The following ZNF567 variants were observed in gnomAD, a reference collection of about 807,000 sequenced individuals.
ZNF567 encodes zinc finger protein 567.
ZNF567 carries 36 observed loss-of-function variants against 53.9 expected under a neutral mutation model. That is an observed-to-expected ratio of 0.67 (90% confidence interval 0.51 to 0.88). ZNF567 has a LOEUF of 0.88. ZNF567 is among the 40% of genes least tolerant of loss of function. The pLI, the probability that ZNF567 is intolerant of heterozygous loss-of-function variation, is 0.00. For missense variants in ZNF567, 619 were observed against 764.7 expected, an observed-to-expected ratio of 0.81 and a Z score of 2.25; for synonymous variants, 224 against 260.4, an observed-to-expected ratio of 0.86 and a Z score of 1.35.
upstream of ZNF567, among the ~76,000 whole-genome samples, chr19:36,683,930 C>T (rs934539744): frequency 6.6e-6 from 1 of 152,138 alleles, no homozygotes; most frequent in Non-Finnish European, 1.5e-5. Context: ...TTGGTGCAAA[C>T]TTAATCAGGG....
At chr19:36,701,924 T>G (rs1307460500) in intron 3 of ZNF567, among the ~76,000 whole-genome samples, 3 of 151,632 alleles carry the variant, frequency 2.0e-5, no homozygotes, top group Non-Finnish European at 4.4e-5. Flanking sequence ...CCTATTTACA[T>G]TTAAGGTTAA....
intron 3 of ZNF567, among the ~76,000 whole-genome samples, chr19:36,700,901 G>GT (rs1408679362): frequency 2.6e-4 from 39 of 151,768 alleles, no homozygotes; most frequent in South Asian, 2.1e-4. Flanking sequence ...TTTTTGAAGG[G>GT]TTTTTTTTGT....
At chr19:36,723,557 T>C (rs368834273), downstream of ZNF567, among the ~76,000 whole-genome samples, 1 of 152,152 alleles carries the variant, frequency 6.6e-6, no homozygotes, top group Non-Finnish European at 1.5e-5. Flanking sequence ...CTTTTGAGGC[T>C]GGGCGTGGTG....
At chr19:36,718,428 G>A (rs1208106667) in intron 5 of ZNF567, among the ~76,000 whole-genome samples, 1 of 152,120 alleles carries the variant, frequency 6.6e-6, no homozygotes, top group East Asian at 1.9e-4. Context: ...GAACCCAGGA[G>A]GCAGAGGTTG....
chr19:36,724,579 G>T (rs2040327703), downstream of ZNF567, among the ~76,000 whole-genome samples: 1 of 151,650 alleles, frequency 6.6e-6, no homozygotes, highest in Non-Finnish European at 1.5e-5. Flanking sequence ...CTACTCTGGA[G>T]GCTGAAGCAG....
At chr19:36,705,273 A>T (rs2039432281) in intron 3 of ZNF567, among the ~76,000 whole-genome samples, 1 of 152,090 alleles carries the variant, frequency 6.6e-6, no homozygotes, top group African/African-American at 2.4e-5. Flanking sequence ...TCTTACATAG[A>T]TGGAAGTGTA....
chr19:36,712,864 T>G lies in ZNF567; in HGVS notation c.220T>G (p.Leu74Val), dbSNP rs1436740593. The G allele has an allele frequency of 6.2e-7, 1 of 1,612,532 alleles. No individual in the cohort carries two copies. The highest frequency in any genetic ancestry group is 8.5e-7 in the Non-Finnish European group (1 of 1,178,960). Reference sequence around the variant, plus strand: ...GACATCATTTGCAGGTCATACCTGCTTGGGTGAGTTTCTGGCTCTTAGGCA... The same window carrying G: ...GACATCATTTGCAGGTCATACCTGCGTGGGTGAGTTTCTGGCTCTTAGGCA... ...PWTSFAGHTC[L>V]EENWKAEDFL... The change falls in exon 5 of 6, where the codon TTG becomes GTG. Residue 74 changes from leucine (L) to valine (V), a missense_variant. Coordinates refer to ENST00000682579, the MANE Select transcript of ZNF567 (RefSeq NM_001322917.1).
At chr19:36,723,727 G>A (rs575181480), downstream of ZNF567, among the ~76,000 whole-genome samples, 70 of 152,072 alleles carry the variant, frequency 4.6e-4, no homozygotes, top group Admixed American at 3.8e-3. Flanking sequence ...CCAGCTACTC[G>A]GGGGCCTAAG....
chr19:36,685,839 G>C (rs1377020946), upstream of ZNF567: 1 of 152,260 alleles, frequency 6.6e-6, no homozygotes, highest in Non-Finnish European at 1.5e-5. Context: ...TGGCTTGCCT[G>C]AGTGGTTCTT....
chr19:36,714,905 T>G (rs2145863570), intron 5 of ZNF567, among the ~76,000 whole-genome samples: 1 of 152,302 alleles, frequency 6.6e-6, no homozygotes, highest in African/African-American at 2.4e-5. Flanking sequence ...TTGTTTCACT[T>G]AACACTCGGT....
chr19:36,669,835 TTC>T, the ZNF567 span, among the ~76,000 whole-genome samples: 2 of 152,204 alleles, frequency 1.3e-5, no homozygotes, highest in Non-Finnish European at 2.9e-5. Flanking sequence ...GACACTGACT[TTC>T]TGTCTTTATG....
chr19:36,686,548 G>C (rs1162666759), upstream of ZNF567: 1 of 152,110 alleles, frequency 6.6e-6, no homozygotes, highest in Non-Finnish European at 1.5e-5. Flanking sequence ...GTCTCCTGCG[G>C]AGACAGCTCT....
intron 3 of ZNF567, among the ~76,000 whole-genome samples, chr19:36,706,800 C>T (rs2039520072): frequency 6.6e-6 from 1 of 150,524 alleles, no homozygotes; most frequent in Non-Finnish European, 1.5e-5. Flanking sequence ...GGACTGCAGG[C>T]ATGTGCCACC....
rs1020516389 is a variant in ZNF567 at position 36,720,328 on chromosome 19, G to A, written c.1604G>A (p.Cys535Tyr). 1 of 1,614,046 alleles carries A rather than the reference G, an allele frequency of 6.2e-7. No individual in the cohort carries two copies. The highest frequency in any genetic ancestry group is 1.3e-5 in the African/African-American group (1 of 74,944). ...RIHTGEKPYV[C>Y]NECGKSFRQK... ...CATACAGGGGAGAAACCCTATGTTT[G>A]TAATGAATGTGGGAAGTCCTTTCGC... Residue 535 changes from cysteine to tyrosine, a missense_variant, in exon 6 of 6, where the codon TGT (cysteine) becomes TAT (tyrosine). By Grantham distance (194) the Cys-to-Tyr change is radical (BLOSUM62 -2). Transcript: ENST00000682579.
downstream of ZNF567, among the ~76,000 whole-genome samples, chr19:36,724,267 A>G (rs2040325665): frequency 6.6e-6 from 1 of 151,764 alleles, no homozygotes; most frequent in Admixed American, 6.6e-5. Context: ...CGGCCTCCCA[A>G]AGTGCTGGGA....
chr19:36,706,517 C>G (rs1020764008), intron 3 of ZNF567, among the ~76,000 whole-genome samples: 2 of 151,996 alleles, frequency 1.3e-5, no homozygotes, highest in African/African-American at 4.8e-5. Context: ...TGGTCTTGAG[C>G]TTTTGGGTTC....
chr19:36,722,680 A>G (rs2040314587), downstream of ZNF567, among the ~76,000 whole-genome samples: 1 of 152,252 alleles, frequency 6.6e-6, no homozygotes, highest in Admixed American at 6.5e-5. Flanking sequence ...CAAATATTTG[A>G]CATTAAATAT....
chr19:36,675,214 C>G, the ZNF567 span, among the ~76,000 whole-genome samples: 1 of 152,104 alleles, frequency 6.6e-6, no homozygotes, highest in Non-Finnish European at 1.5e-5. Context: ...AACAAAAAAT[C>G]AGTATCACAG....
intron 3 of ZNF567, among the ~76,000 whole-genome samples, chr19:36,707,453 T>G (rs1166704312): frequency 1.3e-5 from 2 of 152,246 alleles, no homozygotes; most frequent in Admixed American, 1.3e-4. Context: ...ACCCGTTGTA[T>G]TTTTCATATC....
Sources: gnomAD v4.1 joint callset for allele counts (sites outside exome capture counted in the v4.1 genomes callset) on GRCh38, gnomAD v4.1.1 for gene constraint, MANE v1.5 for transcripts, NCBI Gene and HGNC (gene_info 2026-07-23, HGNC 2026-07-21) for gene names.